The following IMMP2L variants were observed in gnomAD, a reference collection of about 807,000 sequenced individuals.
IMMP2L encodes mitochondrial inner membrane protease subunit 2.
IMMP2L carries 18 observed loss-of-function variants against 19.3 expected under a neutral mutation model. The observed-to-expected ratio is 0.93, with a 90% CI of 0.64 to 1.38. The LOEUF (loss-of-function observed/expected upper bound fraction) is 1.38. Ranked by LOEUF, IMMP2L falls within the 40% of genes most tolerant of loss-of-function variation. IMMP2L has a pLI of 0.00. For synonymous variants in IMMP2L, 76 were observed against 73.0 expected, an observed-to-expected ratio of 1.04 and a Z score of -0.21; for missense variants, 233 against 218.2, an observed-to-expected ratio of 1.07 and a Z score of -0.43.
At chr7:111,268,233 G>A (rs904206689) in intron 3 of IMMP2L, among the ~76,000 whole-genome samples, 1 of 151,990 alleles carries the variant, frequency 6.6e-6, no homozygotes, top group Non-Finnish European at 1.5e-5. Flanking sequence ...CCTAAAAGGA[G>A]TAGGATATTA....
At chr7:111,333,584 G>A (rs1396832181) in intron 3 of IMMP2L, among the ~76,000 whole-genome samples, 1 of 152,062 alleles carries the variant, frequency 6.6e-6, no homozygotes, top group Non-Finnish European at 1.5e-5. Flanking sequence ...CTCCCTAGGT[G>A]TGTCTGTGAG....
chr7:111,528,507 G>T (rs190122838), intron 1 of IMMP2L, among the ~76,000 whole-genome samples: 1 of 152,188 alleles, frequency 6.6e-6, no homozygotes, highest in East Asian at 1.9e-4. Context: ...AACCATATTT[G>T]CCACCTGGCA....
chr7:110,945,159 G>A (rs1460704911), intron 4 of IMMP2L, among the ~76,000 whole-genome samples: 1 of 151,982 alleles, frequency 6.6e-6, no homozygotes, highest in Non-Finnish European at 1.5e-5. Flanking sequence ...GGAGAATGTG[G>A]CTGGAGGGAT....
intron 5 of IMMP2L, among the ~76,000 whole-genome samples, chr7:110,766,033 C>T (rs1452286343): frequency 6.6e-6 from 1 of 151,992 alleles, no homozygotes; most frequent in African/African-American, 2.4e-5. Context: ...GCAGAAATTC[C>T]GTATCATGTG....
intron 5 of IMMP2L, among the ~76,000 whole-genome samples, chr7:110,732,860 ACC>A (rs1796363926): frequency 6.6e-6 from 1 of 150,876 alleles, no homozygotes; most frequent in African/African-American, 2.4e-5. Flanking sequence ...TTCACAGTTC[ACC>A]GCAGCCTCAA....
intron 3 of IMMP2L, among the ~76,000 whole-genome samples, chr7:111,095,651 C>G (rs1350084898): frequency 3.3e-5 from 5 of 151,918 alleles, no homozygotes; most frequent in Non-Finnish European, 5.9e-5. Flanking sequence ...AATAATAATA[C>G]TGCTATCCTT....
intron 3 of IMMP2L, among the ~76,000 whole-genome samples, chr7:111,146,494 T>C (rs1408304376): frequency 6.6e-6 from 1 of 152,012 alleles, no homozygotes; most frequent in Admixed American, 6.6e-5. Context: ...TTGTTTAGCT[T>C]AGAACCAGAC....
At chr7:110,950,866 A>ATATATATATATATG (rs1294842966) in intron 4 of IMMP2L, among the ~76,000 whole-genome samples, 1 of 134,804 alleles carries the variant, frequency 7.4e-6, no homozygotes, top group South Asian at 2.5e-4. Context: ...ATATATATAT[A>ATATATATATATATG]TATATGTATA....
intron 3 of IMMP2L, among the ~76,000 whole-genome samples, chr7:111,479,696 G>A (rs1372858409): frequency 6.6e-6 from 1 of 151,760 alleles, no homozygotes; most frequent in Non-Finnish European, 1.5e-5. Flanking sequence ...ATGCCGTCTT[G>A]TACTTACTCA....
chr7:110,863,402 A>C (rs1807651730), intron 5 of IMMP2L, among the ~76,000 whole-genome samples: 1 of 152,120 alleles, frequency 6.6e-6, no homozygotes, highest in African/African-American at 2.4e-5. Context: ...ATGATTTTTC[A>C]ACATTTTTGC....
At chr7:110,680,025 C>T (rs944524861) in intron 5 of IMMP2L, among the ~76,000 whole-genome samples, 4 of 152,136 alleles carry the variant, frequency 2.6e-5, no homozygotes, top group South Asian at 4.1e-4. Context: ...AGTATCATAA[C>T]GAACAATATT....
At chr7:111,375,792 A>C (rs935685312) in intron 3 of IMMP2L, among the ~76,000 whole-genome samples, 1 of 152,070 alleles carries the variant, frequency 6.6e-6, no homozygotes, top group Non-Finnish European at 1.5e-5. Flanking sequence ...CCAAAGTGCT[A>C]GGCTTACAGG....
At chr7:111,368,975 T>A (rs1830038433) in intron 3 of IMMP2L, among the ~76,000 whole-genome samples, 1 of 151,954 alleles carries the variant, frequency 6.6e-6, no homozygotes. Flanking sequence ...TTTGTTATAT[T>A]CATAAAATAT....
rs901039139 is a variant in IMMP2L, at chr7:111,096,818, C to T, written c.240-133253G>A. On this transcript the variant is annotated intron_variant, in intron 3 of 5. Coordinates refer to ENST00000405709, the MANE Select transcript of IMMP2L (RefSeq NM_032549.4). ...TTTGTCTTGGGTTGAAAATGACACA[C>T]TAAATAAGATAAAAATACTAGTTAA... Among the ~76,000 whole-genome samples the T allele has an allele frequency of 6.6e-5, 10 of 151,954 alleles. No homozygotes were observed. The East Asian group carries it at 1.9e-3, about 29-fold the overall frequency.
chr7:110,779,887 G>T (rs9886021), intron 5 of IMMP2L, among the ~76,000 whole-genome samples: 34,590 of 151,604 alleles, frequency 0.23, 4,691 homozygotes, highest in African/African-American at 0.38. Flanking sequence ...TGCCTAACTA[G>T]GAAGTTAGTA....
intron 3 of IMMP2L, among the ~76,000 whole-genome samples, chr7:111,048,752 C>A (rs1419559412): frequency 6.6e-6 from 1 of 152,080 alleles, no homozygotes; most frequent in Non-Finnish European, 1.5e-5. Context: ...TATAAAAAGA[C>A]AACTTGGTCA....
chr7:111,281,186 G>GAAAGAAAGAAAGAA (rs1563004536), intron 3 of IMMP2L, among the ~76,000 whole-genome samples: 61 of 71,398 alleles, frequency 8.5e-4, no homozygotes, highest in Non-Finnish European at 1.1e-4. Context: ...AAGAAAGAAA[G>GAAAGAAAGAAAGAA]AAAGAAAGAA....
intron 5 of IMMP2L, among the ~76,000 whole-genome samples, chr7:110,705,279 T>C (rs1322268045): frequency 6.6e-6 from 1 of 151,958 alleles, no homozygotes; most frequent in African/African-American, 2.4e-5. Flanking sequence ...TGATAGTTTC[T>C]AGTATACTAG....
At chr7:111,109,803 A>G (rs574659183) in intron 3 of IMMP2L, among the ~76,000 whole-genome samples, 2 of 152,300 alleles carry the variant, frequency 1.3e-5, no homozygotes, top group East Asian at 3.9e-4. Flanking sequence ...TGCTATTGTT[A>G]TATGATGGAA....
Sources: allele counts gnomAD v4.1 joint callset (sites outside exome capture counted in the v4.1 genomes callset), GRCh38; gene constraint gnomAD v4.1.1; transcripts MANE v1.5; gene names NCBI Gene and HGNC (gene_info 2026-07-23, HGNC 2026-07-21).